Variants in PTPRS observed in about 807,000 individuals in gnomAD.
The protein encoded by PTPRS is receptor-type tyrosine-protein phosphatase S.
In PTPRS, 63 loss-of-function variants were observed where a neutral mutation model predicts 215.3. The ratio of observed to expected loss-of-function variants is 0.29; its 90% CI spans 0.24 to 0.36. PTPRS has a LOEUF of 0.36. Ranked by LOEUF, PTPRS falls within the 10% of genes least tolerant of loss-of-function variation. The pLI is 1.00. For synonymous variants in PTPRS, 1,404 were observed against 1,191.4 expected (o/e 1.18, Z -3.68); for missense variants, 2,258 against 2,825.8 (o/e 0.80, Z 4.56).
Position 5,237,851 on chromosome 19 carries a change from CG to C in PTPRS, c.1849+1067del, listed in dbSNP as rs764868314. On this transcript the variant is annotated intron_variant, in intron 13 of 37. Transcript: ENST00000262963. This position sits in a 1 kb window ranked among gnomAD's most constrained non-coding sequence, Gnocchi z 4.2. Reference sequence around the variant, plus strand: ...AGCAGGAAGGAGGGAAGGGGGCCGGCGGGGGCAGGGGGGTTGTGTCTCCGAG... The same window carrying C: ...AGCAGGAAGGAGGGAAGGGGGCCGGCGGGGCAGGGGGGTTGTGTCTCCGAG... Among the ~76,000 whole-genome samples the C allele has an allele frequency of 3.9e-4, 58 of 150,452 alleles. No individual in the cohort carries two copies. The East Asian group carries it at 7.5e-3, about 19-fold the overall frequency.
At chr19:5,214,202 C>G (rs2041200553) in intron 30 of PTPRS, among the ~76,000 whole-genome samples, 159 bp downstream of exon 30, 1 of 152,226 alleles carries the variant, frequency 6.6e-6, no homozygotes, top group Admixed American at 6.5e-5. Flanking sequence ...GTTTCCCCCT[C>G]CACGGAAGTG....
At chr19:5,211,091 C>T (rs2040834809) in intron 33 of PTPRS, among the ~76,000 whole-genome samples, 2 of 152,232 alleles carry the variant, frequency 1.3e-5, no homozygotes, top group African/African-American at 4.8e-5. Flanking sequence ...GGGCCACTGC[C>T]CTACTTTCAG....
In PTPRS at chr19:5,229,697, AG is replaced by A; in HGVS notation, c.2156-14del. 1 of 314,556 alleles carries A rather than the reference AG, an allele frequency of 3.2e-6. No individual in the cohort carries two copies. The allele number at this position is 314,556 out of a possible 1,614,324, so 19.5% of individuals were successfully genotyped here. ...GGCGCGCTGGGCACTGGCGGGCGGG[AG>A]GGGAGGGGAGGGGCGGGCGGAGCCG... is the stretch of plus-strand genomic sequence containing the variant. On this transcript the variant is annotated splice_polypyrimidine_tract_variant and intron_variant, in intron 14 of 37. Coordinates refer to ENST00000262963, the MANE Select transcript of PTPRS (RefSeq NM_002850.4).
At chr19:5,250,341 G>A (rs547326516) in intron 9 of PTPRS, among the ~76,000 whole-genome samples, 8 of 152,306 alleles carry the variant, frequency 5.3e-5, no homozygotes, top group Non-Finnish European at 7.3e-5. Context: ...TGGCAAGGGC[G>A]GGTGACTGAC....
At chr19:5,265,404 C>G (rs939947007) in intron 4 of PTPRS, among the ~76,000 whole-genome samples, 4 of 152,092 alleles carry the variant, frequency 2.6e-5, no homozygotes, top group African/African-American at 9.7e-5. Context: ...TACAGTGGCT[C>G]GATCATAGCT....
At chr19:5,262,050 A>G (rs2046038711) in intron 6 of PTPRS, among the ~76,000 whole-genome samples, 1 of 152,172 alleles carries the variant, frequency 6.6e-6, no homozygotes, top group Non-Finnish European at 1.5e-5. Flanking sequence ...AGGCAGGTGG[A>G]TCACCTGAGG....
intron 2 of PTPRS, among the ~76,000 whole-genome samples, chr19:5,275,195 C>T (rs192468980): frequency 3.2e-4 from 48 of 151,640 alleles, no homozygotes; most frequent in African/African-American, 1.1e-3. Context: ...CTCAGCCTCC[C>T]GAGTAGCTGG....
rs1304470168 is a variant in PTPRS, at chr19:5,231,627, G to T, written c.1850-12C>A. The T allele has an allele frequency of 3.9e-5, 5 of 126,678 alleles. No individual in the cohort carries two copies. The highest frequency in any genetic ancestry group is 1.1e-4 in the Admixed American group (1 of 9,200). The allele number at this position is 126,678 out of a possible 1,614,324, so 7.8% of individuals were successfully genotyped here. On this transcript the variant is annotated splice_polypyrimidine_tract_variant and intron_variant, in intron 13 of 37. Coordinates refer to ENST00000262963, the MANE Select transcript of PTPRS (RefSeq NM_002850.4). ...GGGGGCTGACGGTTCTATTGGAGGG[G>T]GGGAGAACGTGGGGGGGTGGGGAAG...
At chr19:5,302,840 G>A (rs530283094) in intron 1 of PTPRS, among the ~76,000 whole-genome samples, 139 of 150,356 alleles carry the variant, frequency 9.2e-4, no homozygotes, top group Middle Eastern at 3.4e-3. Context: ...GGCGGATCAC[G>A]AGGTCAGGAG....
intron 16 of PTPRS, among the ~76,000 whole-genome samples, chr19:5,228,556 C>A: frequency 6.6e-6 from 1 of 152,016 alleles, no homozygotes; most frequent in East Asian, 1.9e-4. Flanking sequence ...GTTGGCCAGG[C>A]TGGTCTTGAA....
chr19:5,256,206 G>A, intron 8 of PTPRS, 87 bp from the exon 9 acceptor site: 2 of 1,078,388 alleles, frequency 1.9e-6, no homozygotes, highest in South Asian at 2.2e-5. Context: ...GTAAAAAGAG[G>A]ACTTCCCAAG....
rs553995466 is a variant in PTPRS, at chr19:5,317,405, G to T, written c.-95+23259C>A. On this transcript the variant is annotated intron_variant, in intron 1 of 37. Transcript: ENST00000262963. ...GAGAATCACTTGAACCTGGGAGGTG[G>T]AGGTTGCAGTGAGTCGAGATTGTGC... Among the ~76,000 whole-genome samples, 8 of 152,344 alleles carry T rather than the reference G, an allele frequency of 5.3e-5. No homozygotes were observed. The East Asian group carries it at 1.4e-3, about 26-fold the overall frequency.
At chr19:5,226,703 C>T (rs371539510) in intron 16 of PTPRS, among the ~76,000 whole-genome samples, 4 of 152,196 alleles carry the variant, frequency 2.6e-5, no homozygotes, top group African/African-American at 4.8e-5. Flanking sequence ...GAGCCAACAT[C>T]GTGGCACTGT....
chr19:5,296,123 A>C (rs1372495300), intron 1 of PTPRS, among the ~76,000 whole-genome samples: 2 of 152,164 alleles, frequency 1.3e-5, no homozygotes, highest in Admixed American at 1.3e-4. Context: ...CTAGACACAC[A>C]GTGACCAAGA....
chr19:5,234,195 C>T (rs973615031), intron 13 of PTPRS, among the ~76,000 whole-genome samples: 5 of 151,866 alleles, frequency 3.3e-5, no homozygotes, highest in Admixed American at 6.6e-5. Flanking sequence ...CATTTATTTA[C>T]TGAACACTTG....
At chr19:5,333,322 AAAT>A (rs35174348) in intron 1 of PTPRS, among the ~76,000 whole-genome samples, 62,879 of 143,342 alleles carry the variant, frequency 0.44, 13,756 homozygotes, top group Non-Finnish European at 0.48. Flanking sequence ...AAAAATAAAT[AAAT>A]AATAATAATA....
Position 5,246,084 on chromosome 19 carries a change from G to A in PTPRS, c.719-39C>T, listed in dbSNP as rs1206019399. 1.5e-5 allele frequency: 20 copies of A among 1,333,082 alleles called. 1 individual carries two copies. Among genetic ancestry groups the A allele is most frequent in the South Asian group, 1.5e-4 (9 of 61,970 alleles). The allele number at this position is 1,333,082 out of a possible 1,614,324, so 82.6% of individuals were successfully genotyped here. The stretch of plus-strand genomic sequence containing the variant: ...GGCAGTGGCGGCGGGAGGGAGATGC[G>A]AGGGGTGAGGTGGGGTGAGGTTGGG... On this transcript the variant is annotated intron_variant, in intron 9 of 37. Coordinates refer to ENST00000262963, the MANE Select transcript of PTPRS (RefSeq NM_002850.4).
intron 1 of PTPRS, among the ~76,000 whole-genome samples, chr19:5,307,873 C>T (rs760879977): frequency 6.6e-6 from 1 of 152,208 alleles, no homozygotes; most frequent in South Asian, 2.1e-4. Context: ...TTTATTGGCA[C>T]ATAGCCACGC....
chr19:5,298,233 T>C (rs944126882), intron 1 of PTPRS, among the ~76,000 whole-genome samples: 13 of 152,190 alleles, frequency 8.5e-5, no homozygotes, highest in Admixed American at 3.9e-4. Context: ...ATGTCCCTTA[T>C]AAACAACACT....
Sources: allele counts gnomAD v4.1 joint callset (sites outside exome capture counted in the v4.1 genomes callset), GRCh38; gene constraint gnomAD v4.1.1; non-coding constraint Gnocchi (gnomAD v3.1); transcripts MANE v1.5; gene names NCBI Gene and HGNC (gene_info 2026-07-23, HGNC 2026-07-21).